The following CSTPP1 variants were observed in gnomAD, a reference collection of about 807,000 sequenced individuals.
CSTPP1 encodes the protein centriolar satellite-associated tubulin polyglutamylase complex regulator 1, also known as UPF0705 protein C11orf49.
chr11:47,151,852 A>G, the CSTPP1 span, among the ~76,000 whole-genome samples: 1 of 151,938 alleles, frequency 6.6e-6, no homozygotes, highest in Non-Finnish European at 1.5e-5. Context: ...CCTGCTCGGC[A>G]TATGTTTCAG....
the CSTPP1 span, among the ~76,000 whole-genome samples, chr11:46,997,909 C>T: frequency 2.0e-5 from 3 of 152,164 alleles, no homozygotes; most frequent in East Asian, 5.8e-4. Flanking sequence ...GTTGCCTGAT[C>T]GTTCCTCTGG....
the CSTPP1 span, among the ~76,000 whole-genome samples, chr11:46,996,091 G>A: frequency 1.6e-3 from 250 of 152,182 alleles, 1 homozygote; most frequent in African/African-American, 5.5e-3. Flanking sequence ...CAAAGACTAG[G>A]ATTGCAACCC....
the CSTPP1 span, among the ~76,000 whole-genome samples, chr11:47,017,267 C>G: frequency 6.7e-6 from 1 of 150,326 alleles, no homozygotes; most frequent in Admixed American, 6.7e-5. Context: ...CTCCACTTCC[C>G]AGGTTCAAGC....
chr11:47,157,276 T>C, the CSTPP1 span: 3 of 1,502,346 alleles, frequency 2.0e-6, no homozygotes, highest in Non-Finnish European at 1.8e-6. Flanking sequence ...GACTGCTGGC[T>C]GCGGAACAGA....
the CSTPP1 span, among the ~76,000 whole-genome samples, chr11:47,085,861 G>A: frequency 2.0e-5 from 3 of 150,188 alleles, no homozygotes; most frequent in South Asian, 2.1e-4. Context: ...TCTGGGTGAC[G>A]AGTGAAACTC....
the CSTPP1 span, among the ~76,000 whole-genome samples, chr11:47,001,656 A>G: frequency 1.5e-3 from 225 of 152,300 alleles, no homozygotes; most frequent in African/African-American, 5.2e-3. Flanking sequence ...TAAAATATGT[A>G]TCATTTCTTG....
chr11:46,992,987 G>A, the CSTPP1 span, among the ~76,000 whole-genome samples: 1 of 152,194 alleles, frequency 6.6e-6, no homozygotes, highest in Non-Finnish European at 1.5e-5. Flanking sequence ...CTGATGGCCA[G>A]TGATGATGAG....
At chr11:47,039,100 T>C in the CSTPP1 span, among the ~76,000 whole-genome samples, 1 of 122,880 alleles carries the variant, frequency 8.1e-6, no homozygotes, top group Non-Finnish European at 1.9e-5. Flanking sequence ...CCAGACGGGG[T>C]GGCGGCCGGG....
chr11:47,019,594 C>T, the CSTPP1 span, among the ~76,000 whole-genome samples: 3 of 152,170 alleles, frequency 2.0e-5, no homozygotes, highest in African/African-American at 4.8e-5. Flanking sequence ...AATGGCTGGT[C>T]GGTGGAGGAG....
the CSTPP1 span, among the ~76,000 whole-genome samples, chr11:46,975,541 C>T: frequency 1.3e-5 from 2 of 152,126 alleles, no homozygotes; most frequent in African/African-American, 4.8e-5. Context: ...GTATCTTTAG[C>T]TCCTTTTACT....
At chr11:47,016,390 C>CAAAAA in the CSTPP1 span, among the ~76,000 whole-genome samples, 155 of 125,604 alleles carry the variant, frequency 1.2e-3, no homozygotes, top group Non-Finnish European at 1.9e-3. Flanking sequence ...ATGGAATCTA[C>CAAAAA]AAAAAACAAA....
At chr11:47,143,198 C>T in the CSTPP1 span, among the ~76,000 whole-genome samples, 1 of 152,236 alleles carries the variant, frequency 6.6e-6, no homozygotes, top group Non-Finnish European at 1.5e-5. Context: ...TCCCAGAAAG[C>T]ATCCCCTGAT....
the CSTPP1 span, among the ~76,000 whole-genome samples, chr11:47,019,153 G>A: frequency 1.1e-3 from 161 of 152,096 alleles, no homozygotes; most frequent in African/African-American, 3.5e-3. Flanking sequence ...GATTACAGGC[G>A]TGAGCCATCA....
chr11:47,163,907 A>C, the CSTPP1 span, among the ~76,000 whole-genome samples: 1 of 152,006 alleles, frequency 6.6e-6, no homozygotes, highest in Non-Finnish European at 1.5e-5. Flanking sequence ...CAGCCTCCCA[A>C]AGTGCTGGGA....
the CSTPP1 span, among the ~76,000 whole-genome samples, chr11:47,100,686 G>A: frequency 6.6e-6 from 1 of 152,302 alleles, no homozygotes; most frequent in Non-Finnish European, 1.5e-5. Flanking sequence ...AGCTCCTTGG[G>A]AGGCTGAGGC....
At chr11:47,023,231 C>T in the CSTPP1 span, 1 of 152,154 alleles carries the variant, frequency 6.6e-6, no homozygotes, top group Admixed American at 6.5e-5. Context: ...ATATTTCACA[C>T]CTATATCTTA....
chr11:46,951,287 C>T, the CSTPP1 span, among the ~76,000 whole-genome samples: 4 of 147,370 alleles, frequency 2.7e-5, no homozygotes, highest in African/African-American at 1.0e-4. Flanking sequence ...TGATATATTC[C>T]TTAGACTCTT....
At chr11:46,967,806 CTA>C in the CSTPP1 span, among the ~76,000 whole-genome samples, 1 of 148,854 alleles carries the variant, frequency 6.7e-6, no homozygotes, top group Non-Finnish European at 1.5e-5. Context: ...TTATTTATAA[CTA>C]TATTATTATA....
At chr11:47,164,319 G>A in the CSTPP1 span, 1 of 1,494,026 alleles carries the variant, frequency 6.7e-7, no homozygotes, top group East Asian at 2.4e-5. Flanking sequence ...GACCAACAGG[G>A]AGCCAGGCCC....
Sources: gnomAD v4.1 joint callset for allele counts (sites outside exome capture counted in the v4.1 genomes callset) on GRCh38, gnomAD v4.1.1 for gene constraint, MANE v1.5 for transcripts, NCBI Gene and HGNC (gene_info 2026-07-23, HGNC 2026-07-21) for gene names.